LEMD1: variants seen among roughly 807,000 people sequenced by gnomAD.
The protein encoded by LEMD1 is LEM domain containing 1, also known as LEM domain-containing protein 1.
LEMD1 carries 18 observed loss-of-function variants against 17.4 expected under a neutral mutation model. That is an observed-to-expected ratio of 1.04 (90% CI 0.72 to 1.54). The LOEUF (loss-of-function observed/expected upper bound fraction) is 1.54. Ranked by LOEUF, LEMD1 falls within the 40% of genes most tolerant of loss-of-function variation. LEMD1 has a pLI of 0.00. For missense variants in LEMD1, 195 were observed against 210.4 expected (o/e 0.93, Z 0.45); for synonymous variants, 88 against 77.8 (o/e 1.13, Z -0.69).
chr1:205,419,204 T>C, intron 3 of LEMD1, 26 bp downstream of exon 3: 2 of 1,610,576 alleles, frequency 1.2e-6, no homozygotes, highest in East Asian at 2.2e-5. Context: ...AAAGTTGCCA[T>C]CTAGCAGTAC....
chr1:205,406,333 C>T (rs1440087180), intron 4 of LEMD1, among the ~76,000 whole-genome samples: 1 of 152,258 alleles, frequency 6.6e-6, no homozygotes, highest in Non-Finnish European at 1.5e-5. Flanking sequence ...GGCAGGCAGG[C>T]CTCCTTGAGC....
intron 1 of LEMD1, among the ~76,000 whole-genome samples, chr1:205,427,364 G>T (rs1009904496): frequency 6.6e-6 from 1 of 151,714 alleles, no homozygotes; most frequent in East Asian, 1.9e-4. Context: ...TCATGACTGG[G>T]GCATCTCCCC....
intron 1 of LEMD1, among the ~76,000 whole-genome samples, chr1:205,429,787 TG>T (rs1345196182): frequency 1.4e-5 from 2 of 143,564 alleles, no homozygotes; most frequent in African/African-American, 2.6e-5. Flanking sequence ...TGTTGGGGGG[TG>T]GGGGGAGCAG....
chr1:205,403,404 T>G (rs971034784), intron 4 of LEMD1, among the ~76,000 whole-genome samples: 3 of 152,208 alleles, frequency 2.0e-5, no homozygotes, highest in African/African-American at 7.2e-5. Flanking sequence ...ATTCAGAGAT[T>G]CAACTTCTTC....
intron 1 of LEMD1, among the ~76,000 whole-genome samples, chr1:205,439,936 C>T (rs1666265660): frequency 7.0e-6 from 1 of 143,020 alleles, no homozygotes; most frequent in Non-Finnish European, 1.5e-5. Context: ...GGGGTAAGGG[C>T]AGAGGCTGAA....
intron 4 of LEMD1, among the ~76,000 whole-genome samples, chr1:205,396,785 A>C (rs1023348568): frequency 3.9e-5 from 6 of 152,232 alleles, no homozygotes; most frequent in South Asian, 2.1e-4. Context: ...AAGGATAAGT[A>C]GAAAATTCAG....
In LEMD1 at chr1:205,448,647, G is replaced by A. The variant is rs1413352683; in HGVS notation, c.-39+1221C>T. Reference sequence around the variant, plus strand: ...TCCTCACTCCAGGGTATGAGGAGGGGTGGCTTCCTGGCCATAAAGGACCTC... The same window carrying A: ...TCCTCACTCCAGGGTATGAGGAGGGATGGCTTCCTGGCCATAAAGGACCTC... On this transcript the variant is annotated intron_variant, in intron 1 of 3. Coordinates refer to the LEMD1 transcript ENST00000367154. The surrounding 1 kb of genome is among the most constrained non-coding windows in gnomAD (Gnocchi z 4.7). Among the ~76,000 whole-genome samples the A allele has an allele frequency of 6.6e-6, 1 of 152,154 alleles. No individual in the cohort carries two copies. The highest frequency in any genetic ancestry group is 1.5e-5 in the Non-Finnish European group (1 of 68,018).
At position 205,381,458 on chromosome 1, in the gene LEMD1, T is replaced by G; in HGVS notation, c.*200A>C. ...GACTTGGGGGATTTCCTAACCATCATGCTCTTAACACAGGTGCCTGGTTAG... is the reference window on the plus strand; with the variant it reads ...GACTTGGGGGATTTCCTAACCATCAGGCTCTTAACACAGGTGCCTGGTTAG... On this transcript the variant is annotated 3_prime_UTR_variant, in exon 6 of 6. Coordinates refer to ENST00000367153, the MANE Select transcript of LEMD1 (RefSeq NM_001199050.2). 1 of 600,548 alleles carries G rather than the reference T, an allele frequency of 1.7e-6. No homozygotes were observed. Among genetic ancestry groups the G allele is most frequent in the Non-Finnish European group, 3.0e-6 (1 of 337,746 alleles). 37.2% of individuals were successfully genotyped at this position (600,548 alleles called of 1,614,324 possible). A position where few individuals can be genotyped will look rare whatever the true frequency, so the allele number is the denominator to read the frequency against.
intron 1 of LEMD1, among the ~76,000 whole-genome samples, chr1:205,430,325 G>A (rs182604539): frequency 6.6e-6 from 1 of 152,306 alleles, no homozygotes; most frequent in African/African-American, 2.4e-5. Flanking sequence ...GGGCGGAGGG[G>A]CATCCTCAAA....
intron 4 of LEMD1, among the ~76,000 whole-genome samples, chr1:205,411,555 CAAA>C (rs1224727332): frequency 6.5e-5 from 3 of 46,384 alleles, no homozygotes; most frequent in Non-Finnish European, 1.2e-4. Context: ...GACTCCGTCT[CAAA>C]AAAAAAAAAA....
At chr1:205,440,043 T>G (rs7552585) in intron 1 of LEMD1, among the ~76,000 whole-genome samples, 1 of 151,868 alleles carries the variant, frequency 6.6e-6, no homozygotes, top group Non-Finnish European at 1.5e-5. Context: ...GCACCACATA[T>G]GAACGCAGTC....
intron 4 of LEMD1, among the ~76,000 whole-genome samples, chr1:205,388,854 T>C (rs1664178043): frequency 6.6e-6 from 1 of 152,172 alleles, no homozygotes; most frequent in Non-Finnish European, 1.5e-5. Flanking sequence ...TGGACTATTT[T>C]GTGCTAATTC....
chr1:205,411,983 C>T (rs535901406), intron 4 of LEMD1, among the ~76,000 whole-genome samples: 1 of 152,340 alleles, frequency 6.6e-6, no homozygotes, highest in East Asian at 1.9e-4. Flanking sequence ...CAGATATAAA[C>T]ACTTCCAACC....
upstream of LEMD1, among the ~76,000 whole-genome samples, chr1:205,425,046 T>C (rs942907253): frequency 2.6e-5 from 4 of 152,190 alleles, no homozygotes; most frequent in African/African-American, 9.7e-5. Flanking sequence ...GCTGATTATG[T>C]GTTTCCTCCT....
rs535393247 is a variant in LEMD1, at chr1:205,446,566, G to A, written c.-39+3302C>T. Among the ~76,000 whole-genome samples the A allele has an allele frequency of 1.2e-3, 179 of 152,310 alleles. 1 individual carries two copies. Among genetic ancestry groups the A allele is most frequent in the South Asian group, 0.01 (50 of 4,826 alleles). On this transcript the variant is annotated intron_variant, in intron 1 of 3. Coordinates refer to the LEMD1 transcript ENST00000367154. ...GGGCAAACTGAACAACAGGATTCCC[G>A]GGAGGGGCCCAGTTGCAGGGGGCAG...
intron 4 of LEMD1, among the ~76,000 whole-genome samples, chr1:205,406,297 C>T (rs901094364): frequency 4.6e-5 from 7 of 152,260 alleles, no homozygotes; most frequent in African/African-American, 1.2e-4. Context: ...TGTCTGTGCC[C>T]TGCCCCCAGA....
In LEMD1 at chr1:205,387,174, A is replaced by T. The variant is rs576874720; in HGVS notation, c.271-2810T>A. The T allele has an allele frequency of 4.6e-5, 7 of 152,166 alleles. No individual in the cohort carries two copies. The East Asian group carries it at 1.4e-3, about 29-fold the overall frequency. The allele number at this position is 152,166 out of a possible 1,614,324, so 9.4% of individuals were successfully genotyped here. On this transcript the variant is annotated intron_variant, in intron 4 of 5. Coordinates refer to ENST00000367153, the MANE Select transcript of LEMD1 (RefSeq NM_001199050.2). The stretch of plus-strand genomic sequence containing the variant: ...CAATTTGTTTTCTTTGCTATCATTC[A>T]TATGTAGAGTTCTCCTGCAGTATGT...
chr1:205,425,592 A>T (rs983804154), upstream of LEMD1, among the ~76,000 whole-genome samples: 16 of 152,194 alleles, frequency 1.1e-4, no homozygotes, highest in African/African-American at 3.9e-4. Context: ...AAGGCTGCAG[A>T]TGAGGAAACG....
At chr1:205,425,741 G>A (rs75029624), upstream of LEMD1, among the ~76,000 whole-genome samples, 1 of 152,164 alleles carries the variant, frequency 6.6e-6, no homozygotes, top group Non-Finnish European at 1.5e-5. Flanking sequence ...CATGAACAAG[G>A]TTGACAGAGG....
Sources: allele counts gnomAD v4.1 joint callset (sites outside exome capture counted in the v4.1 genomes callset), GRCh38; gene constraint gnomAD v4.1.1; non-coding constraint Gnocchi (gnomAD v3.1); transcripts MANE v1.5; gene names NCBI Gene and HGNC (gene_info 2026-07-23, HGNC 2026-07-21).